Variants in PAX5 observed in about 807,000 individuals in gnomAD.
PAX5 encodes paired box protein Pax-5.
In PAX5, 9 loss-of-function variants were observed where a neutral mutation model predicts 43.7. That is an observed-to-expected ratio of 0.21 (90% CI 0.12 to 0.36). The LOEUF (loss-of-function observed/expected upper bound fraction) is 0.36. Ranked by LOEUF, PAX5 falls within the 10% of genes least tolerant of loss-of-function variation. The pLI is 1.00. For synonymous variants in PAX5, 228 were observed against 214.3 expected, an observed-to-expected ratio of 1.06 and a Z score of -0.56; for missense variants, 383 against 532.7, an observed-to-expected ratio of 0.72 and a Z score of 2.77.
intron 5 of PAX5, among the ~76,000 whole-genome samples, chr9:36,981,388 G>A (rs1463438506): frequency 1.5e-5 from 2 of 136,022 alleles, no homozygotes; most frequent in East Asian, 4.6e-4. Flanking sequence ...AGCACACATA[G>A]CAGGCACACA....
At chr9:36,848,929 G>C (rs1168544185) in intron 8 of PAX5, among the ~76,000 whole-genome samples, 1 of 152,170 alleles carries the variant, frequency 6.6e-6, no homozygotes, top group African/African-American at 2.4e-5. Flanking sequence ...TCCTTCATAG[G>C]ATGTGCCTAA....
At chr9:37,003,589 G>A (rs1228729166) in intron 4 of PAX5, among the ~76,000 whole-genome samples, 1 of 152,202 alleles carries the variant, frequency 6.6e-6, no homozygotes, top group African/African-American at 2.4e-5. Flanking sequence ...TGTAATCCCA[G>A]CACTTTGGAA....
At chr9:36,860,302 A>C (rs1824089469) in intron 8 of PAX5, among the ~76,000 whole-genome samples, 1 of 152,088 alleles carries the variant, frequency 6.6e-6, no homozygotes, top group Non-Finnish European at 1.5e-5. Context: ...GCACCACTGC[A>C]CTCCAGCCTG....
At chr9:36,922,977 A>C in intron 7 of PAX5, 4 of 194,136 alleles carry the variant, frequency 2.1e-5, no homozygotes, top group African/African-American at 2.3e-5. Context: ...TCTGCAAGGA[A>C]TCCCATTCCT....
At chr9:36,877,925 A>C (rs184683527) in intron 8 of PAX5, among the ~76,000 whole-genome samples, 228 of 152,328 alleles carry the variant, frequency 1.5e-3, no homozygotes, top group Middle Eastern at 6.8e-3. Flanking sequence ...TATAACAGAG[A>C]AGAGGCAGAT....
At chr9:36,969,234 G>A (rs1834715924) in intron 5 of PAX5, among the ~76,000 whole-genome samples, 1 of 152,186 alleles carries the variant, frequency 6.6e-6, no homozygotes, top group Admixed American at 6.5e-5. Context: ...GTCCCCAGCA[G>A]GGCAGTGCCC....
chr9:36,974,872 A>G (rs2132243291), intron 5 of PAX5, among the ~76,000 whole-genome samples: 1 of 151,486 alleles, frequency 6.6e-6, no homozygotes, highest in Middle Eastern at 3.4e-3. Context: ...GTCACCCCCC[A>G]CTTCACCCCG....
intron 6 of PAX5, among the ~76,000 whole-genome samples, chr9:36,929,237 GGAAGGAAGGAAGGA>G (rs1326210619): frequency 2.5e-4 from 1 of 3,992 alleles, no homozygotes; most frequent in Admixed American, 2.7e-3. Context: ...GAAGGAAGGA[GGAAGGAAGGAAGGA>G]AGGAAGGAAG....
intron 5 of PAX5, among the ~76,000 whole-genome samples, chr9:36,981,434 C>CAAAAAAAAAAAAAAAAAAA (rs571402545): frequency 1.0e-5 from 1 of 97,120 alleles, no homozygotes; most frequent in Non-Finnish European, 2.0e-5. Context: ...CTGAAACTGG[C>CAAAAAAAAAAAAAAAAAAA]AAAAAAAAAA....
intron 5 of PAX5, among the ~76,000 whole-genome samples, chr9:36,976,393 C>T (rs915424254): frequency 2.0e-5 from 3 of 152,074 alleles, no homozygotes; most frequent in African/African-American, 7.2e-5. Context: ...GGAGAAGGGA[C>T]GATCAGAGCC....
chr9:37,003,933 C>A (rs961126557), intron 4 of PAX5, among the ~76,000 whole-genome samples: 1 of 152,260 alleles, frequency 6.6e-6, no homozygotes, highest in Non-Finnish European at 1.5e-5. Flanking sequence ...CACTAATAAA[C>A]AATGAAGAGC....
chr9:37,014,726 G>C (rs1839246152), intron 3 of PAX5, among the ~76,000 whole-genome samples: 1 of 152,158 alleles, frequency 6.6e-6, no homozygotes, highest in African/African-American at 2.4e-5. Context: ...TGAAGGGAGG[G>C]ATGGAAATAA....
chr9:36,967,443 A>T (rs1299577555), intron 5 of PAX5, among the ~76,000 whole-genome samples: 1 of 152,220 alleles, frequency 6.6e-6, no homozygotes, highest in Non-Finnish European at 1.5e-5. Context: ...CCAAGAGTTT[A>T]TTTGTGGGGG....
At chr9:36,879,554 G>T (rs1030304669) in intron 8 of PAX5, among the ~76,000 whole-genome samples, 1 of 152,084 alleles carries the variant, frequency 6.6e-6, no homozygotes, top group Non-Finnish European at 1.5e-5. Context: ...GCCTCCCTGG[G>T]TGTGGGGAGT....
Position 36,833,513 on chromosome 9 carries a change from A to C in PAX5, c.*7047T>G. 4.3e-6 allele frequency: 1 copy of C among 233,138 alleles called. No individual in the cohort carries two copies. 14.4% of individuals were successfully genotyped at this position (233,138 alleles called of 1,614,324 possible). ...AAGGAAGCCACAAATTTCAGGTTTG[A>C]CAAGGAAAAAAAAGTAAAAAAAAAA... is the stretch of plus-strand genomic sequence containing the variant. On this transcript the variant is annotated 3_prime_UTR_variant, in exon 10 of 10. Coordinates refer to ENST00000358127, the MANE Select transcript of PAX5 (RefSeq NM_016734.3).
At chr9:36,930,765 A>G in intron 6 of PAX5, 1 of 1,050,892 alleles carries the variant, frequency 9.5e-7, no homozygotes, top group South Asian at 1.4e-5. Flanking sequence ...AGGGGTAAGG[A>G]GAGGGACACC....
intron 5 of PAX5, among the ~76,000 whole-genome samples, chr9:37,000,498 A>G (rs1224933166): frequency 1.3e-5 from 2 of 152,214 alleles, no homozygotes; most frequent in African/African-American, 4.8e-5. Flanking sequence ...CATGCCTGTA[A>G]TCCCAACACT....
At chr9:36,886,714 T>C (rs1587870844) in intron 7 of PAX5, among the ~76,000 whole-genome samples, 1 of 152,326 alleles carries the variant, frequency 6.6e-6, no homozygotes, top group East Asian at 1.9e-4. Flanking sequence ...ATTTGTATCA[T>C]TTGCAATGGC....
intron 9 of PAX5, among the ~76,000 whole-genome samples, chr9:36,841,264 C>T (rs1893932): frequency 6.6e-6 from 1 of 152,244 alleles, no homozygotes; most frequent in African/African-American, 2.4e-5. Context: ...TGAGCACATC[C>T]TCTGTGCCTG....
Sources: gnomAD v4.1 joint callset for allele counts (sites outside exome capture counted in the v4.1 genomes callset) on GRCh38, gnomAD v4.1.1 for gene constraint, MANE v1.5 for transcripts, NCBI Gene and HGNC (gene_info 2026-07-23, HGNC 2026-07-21) for gene names.